Variants in DLGAP1 observed in about 807,000 individuals in gnomAD.
DLGAP1 encodes the protein disks large-associated protein 1.
In DLGAP1, 11 loss-of-function variants were observed where a neutral mutation model predicts 90.8. The ratio of observed to expected loss-of-function variants is 0.12; its 90% CI spans 0.08 to 0.20. DLGAP1 has a LOEUF of 0.20. Ranked by LOEUF, DLGAP1 falls within the 10% of genes least tolerant of loss-of-function variation. The pLI, the probability that DLGAP1 is intolerant of heterozygous loss-of-function variation, is 1.00. For synonymous variants in DLGAP1, 558 were observed against 540.7 expected, an observed-to-expected ratio of 1.03 and a Z score of -0.44; for missense variants, 1,050 against 1,333.8, an observed-to-expected ratio of 0.79 and a Z score of 3.31.
At chr18:3,632,388 G>A (rs1364893092) in intron 7 of DLGAP1, among the ~76,000 whole-genome samples, 1 of 150,520 alleles carries the variant, frequency 6.6e-6, no homozygotes, top group Non-Finnish European at 1.5e-5. Context: ...TGCAACCTCC[G>A]CCTCCCAGGT....
rs532774652 is a variant in DLGAP1 at position 3,861,620 on chromosome 18, C to T, written c.957+17492G>A. On this transcript the variant is annotated intron_variant, in intron 4 of 12. Coordinates refer to ENST00000315677, the MANE Select transcript of DLGAP1 (RefSeq NM_004746.4). ...GTGGATGAGATGCCCTGCCCTTCTG[C>T]GCTTGACTTTCTGCCCAGTGCCCCC... Among the ~76,000 whole-genome samples the T allele has an allele frequency of 4.6e-5, 7 of 152,294 alleles. No individual in the cohort carries two copies. In the South Asian group the frequency reaches 6.2e-4, roughly 14 times the overall value.
intron 1 of DLGAP1, among the ~76,000 whole-genome samples, chr18:4,354,497 C>A (rs994353697): frequency 3.9e-5 from 6 of 152,240 alleles, no homozygotes; most frequent in African/African-American, 1.4e-4. Context: ...CTTCATTGAA[C>A]CTAAGCATAA....
intron 2 of DLGAP1, among the ~76,000 whole-genome samples, chr18:4,011,355 C>T (rs867813028): frequency 2.6e-5 from 4 of 151,838 alleles, no homozygotes; most frequent in African/African-American, 9.7e-5. Flanking sequence ...AGAAGCCTTC[C>T]CAGAAGACTT....
intron 7 of DLGAP1, among the ~76,000 whole-genome samples, chr18:3,723,564 G>GT (rs571695970): frequency 0.024 from 3,624 of 151,424 alleles, 160 homozygotes; most frequent in African/African-American, 0.084. Flanking sequence ...GGGTTTGTGT[G>GT]GGGGGGGAGT....
At chr18:4,304,931 C>CAA (rs36110099) in intron 1 of DLGAP1, among the ~76,000 whole-genome samples, 118 of 142,284 alleles carry the variant, frequency 8.3e-4, no homozygotes, top group South Asian at 1.6e-3. Context: ...AACTGTGTCT[C>CAA]AAAAAAAAAA....
At chr18:3,907,899 C>T (rs1203108626) in intron 3 of DLGAP1, among the ~76,000 whole-genome samples, 3 of 152,156 alleles carry the variant, frequency 2.0e-5, no homozygotes, top group African/African-American at 7.2e-5. Flanking sequence ...TCAGTTTCAT[C>T]AAATATTTAT....
At chr18:3,571,127 G>C (rs547136906) in intron 8 of DLGAP1, 1 of 151,844 alleles carries the variant, frequency 6.6e-6, no homozygotes, top group South Asian at 2.1e-4. Context: ...TCAGGAAATT[G>C]TTGTCTTTTT....
intron 9 of DLGAP1, among the ~76,000 whole-genome samples, chr18:3,551,723 C>CCTCA (rs2053475645): frequency 9.2e-5 from 1 of 10,858 alleles, no homozygotes; most frequent in African/African-American, 4.2e-4. Flanking sequence ...TCCCTCCCTC[C>CCTCA]CTTCCTTCCT....
intron 3 of DLGAP1, among the ~76,000 whole-genome samples, chr18:3,910,456 G>A (rs1237382040): frequency 1.3e-5 from 2 of 152,130 alleles, no homozygotes; most frequent in Non-Finnish European, 2.9e-5. Context: ...AGTAGTCTGA[G>A]ACCAAAATTT....
chr18:3,647,944 T>C (rs1269235460), intron 7 of DLGAP1, among the ~76,000 whole-genome samples: 1 of 152,214 alleles, frequency 6.6e-6, no homozygotes, highest in Admixed American at 6.5e-5. Flanking sequence ...CCAATATGTG[T>C]TCCAAACACA....
At chr18:3,505,667 T>G (rs1278170166) in intron 11 of DLGAP1, among the ~76,000 whole-genome samples, 1 of 142,536 alleles carries the variant, frequency 7.0e-6, no homozygotes, top group Admixed American at 6.9e-5. Context: ...AAAGTCACTA[T>G]CAACTCCATG....
intron 9 of DLGAP1, among the ~76,000 whole-genome samples, chr18:3,557,626 T>C (rs913931003): frequency 1.3e-5 from 2 of 152,212 alleles, no homozygotes; most frequent in African/African-American, 2.4e-5. Context: ...CTCAGTATTT[T>C]GGGAATTTCC....
chr18:4,307,736 G>C (rs1366714635), intron 1 of DLGAP1, among the ~76,000 whole-genome samples: 1 of 115,504 alleles, frequency 8.7e-6, no homozygotes, highest in Non-Finnish European at 1.8e-5. Context: ...TTTTTTTTGA[G>C]GCAGAGTCTT....
At chr18:3,991,993 T>C (rs1159366432) in intron 3 of DLGAP1, among the ~76,000 whole-genome samples, 2 of 152,212 alleles carry the variant, frequency 1.3e-5, no homozygotes, top group African/African-American at 4.8e-5. Flanking sequence ...CATAAAGTAC[T>C]TCTCTCCCCT....
chr18:4,440,304 A>G (rs1208294654), intron 1 of DLGAP1, among the ~76,000 whole-genome samples: 2 of 152,104 alleles, frequency 1.3e-5, no homozygotes. Context: ...GATGTACTCA[A>G]TCTCAATTAT....
intron 1 of DLGAP1, among the ~76,000 whole-genome samples, chr18:4,432,018 C>T (rs1034083276): frequency 1.3e-5 from 2 of 152,184 alleles, no homozygotes; most frequent in Admixed American, 6.5e-5. Context: ...TGTATAGATA[C>T]AACTTCCGTT....
At chr18:4,089,419 A>G (rs1338609998) in intron 2 of DLGAP1, among the ~76,000 whole-genome samples, 2 of 152,150 alleles carry the variant, frequency 1.3e-5, no homozygotes, top group African/African-American at 4.8e-5. Flanking sequence ...TTAAACTACC[A>G]TTGACATTCT....
chr18:3,594,987 AG>A (rs773916635), intron 7 of DLGAP1, among the ~76,000 whole-genome samples: 6 of 152,222 alleles, frequency 3.9e-5, no homozygotes, highest in Non-Finnish European at 7.3e-5. Context: ...CTACCCAGAG[AG>A]TGTGCCTCAA....
chr18:4,193,644 G>T (rs2077441489), intron 1 of DLGAP1, among the ~76,000 whole-genome samples: 2 of 152,138 alleles, frequency 1.3e-5, no homozygotes, highest in African/African-American at 4.8e-5. Context: ...TTTATAAATG[G>T]ATACATTTTT....
Sources: gnomAD v4.1 joint callset for allele counts (sites outside exome capture counted in the v4.1 genomes callset) on GRCh38, gnomAD v4.1.1 for gene constraint, MANE v1.5 for transcripts, NCBI Gene and HGNC (gene_info 2026-07-23, HGNC 2026-07-21) for gene names.